The following PCA3 variants were observed in gnomAD, a reference collection of about 807,000 sequenced individuals.
The protein encoded by PCA3 is prostate cancer associated 3.
Position 76,779,100 on chromosome 9 carries a change from G to A in PCA3, n.853-29483G>A, listed in dbSNP as rs147330603. Among the ~76,000 whole-genome samples, 44 of 152,250 alleles carry A rather than the reference G, an allele frequency of 2.9e-4. No individual in the cohort carries two copies. In the East Asian group the frequency reaches 7.7e-3, roughly 27 times the overall value. ...TGTGATTAAATAAAGAACTTGAGAA[G>A]AACAGGTTTCATTAAACATAAAATC... On this transcript the variant is annotated intron_variant and non_coding_transcript_variant, in intron 2 of 5. Coordinates refer to ENST00000644657, the Ensembl canonical transcript of PCA3.
chr9:76,777,330 A>C (rs1299610902), intron 2 of PCA3, among the ~76,000 whole-genome samples: 1 of 152,166 alleles, frequency 6.6e-6, no homozygotes, highest in Non-Finnish European at 1.5e-5. Flanking sequence ...CTGAGAAAGA[A>C]TATAATAAGC....
rs369109950 is a variant in PCA3, at chr9:76,783,384, G to GC, written n.853-25197dup. The stretch of plus-strand genomic sequence containing the variant: ...ACTCCTGACCTCAGGTGACCCACCT[G>GC]CCTCAGCCTCCCAAAGTGCTGGGAT... On this transcript the variant is annotated intron_variant and non_coding_transcript_variant, in intron 2 of 5. Coordinates refer to ENST00000644657, the Ensembl canonical transcript of PCA3. Among the ~76,000 whole-genome samples, 758 of 152,226 alleles carry GC rather than the reference G, an allele frequency of 5.0e-3. 4 individuals are homozygous for GC. Among genetic ancestry groups the GC allele is most frequent in the African/African-American group, 0.017 (721 of 41,544 alleles).
At chr9:76,774,819 G>C (rs1470276933) in intron 2 of PCA3, among the ~76,000 whole-genome samples, 1 of 152,078 alleles carries the variant, frequency 6.6e-6, no homozygotes, top group Non-Finnish European at 1.5e-5. Flanking sequence ...AGGAAACAGG[G>C]GAGCTTTAGC....
chr9:76,774,465 T>TATTTATTTATTTATTTATTTATTTATTTA lies in PCA3; in HGVS notation n.853-34118_853-34117insATTTATTTATTTATTTATTTATTTATTTA, dbSNP rs761395945. Among the ~76,000 whole-genome samples, 1,240 of 136,884 alleles carry TATTTATTTATTTATTTATTTATTTATTTA rather than the reference T, an allele frequency of 9.1e-3. 44 individuals carry two copies. The highest frequency in any genetic ancestry group is 0.031 in the African/African-American group (1,109 of 35,742). The allele number at this position is 136,884 out of a possible 152,430, so 89.8% of individuals were successfully genotyped here. ...CAGTTCAACCCTTTTTTTTTTTTTTTTTTTTTTTTTTTGAGATGGAGTCTC... is the reference window on the plus strand; with the variant it reads ...CAGTTCAACCCTTTTTTTTTTTTTTTATTTATTTATTTATTTATTTATTTATTTATTTTTTTTTTTTGAGATGGAGTCTC... On this transcript the variant is annotated intron_variant and non_coding_transcript_variant, in intron 2 of 5. Coordinates refer to ENST00000644657, the Ensembl canonical transcript of PCA3.
intron 2 of PCA3, among the ~76,000 whole-genome samples, chr9:76,782,226 A>G (rs921946398): frequency 6.6e-6 from 1 of 151,894 alleles, no homozygotes; most frequent in Non-Finnish European, 1.5e-5. Flanking sequence ...AAAAAGAAAA[A>G]AAAGAAAGCA....
intron 2 of PCA3, among the ~76,000 whole-genome samples, chr9:76,779,232 C>CTTT (rs5898506): frequency 0.015 from 2,215 of 144,890 alleles, 54 homozygotes; most frequent in African/African-American, 0.051. Context: ...AAAACTTAGA[C>CTTT]TTTTTTTTTT....
intron 2 of PCA3, among the ~76,000 whole-genome samples, chr9:76,770,360 G>A (rs967148731): frequency 6.6e-6 from 1 of 151,956 alleles, no homozygotes; most frequent in Non-Finnish European, 1.5e-5. Flanking sequence ...AAAATATCAA[G>A]GATTTTTTTA....
At chr9:76,767,351 C>T (rs913402426) in intron 2 of PCA3, among the ~76,000 whole-genome samples, 12 of 151,538 alleles carry the variant, frequency 7.9e-5, no homozygotes, top group African/African-American at 2.2e-4. Flanking sequence ...CTCGAGAGGC[C>T]GAGGCAGGAG....
chr9:76,766,026 C>CA (rs1015290406), intron 2 of PCA3, among the ~76,000 whole-genome samples: 16 of 151,292 alleles, frequency 1.1e-4, no homozygotes, highest in African/African-American at 2.4e-4. Context: ...ACTAAAAATA[C>CA]AAAAAAAATA....
chr9:76,778,067 C>T (rs141769356), intron 2 of PCA3, among the ~76,000 whole-genome samples: 112 of 152,304 alleles, frequency 7.4e-4, no homozygotes, highest in African/African-American at 2.3e-3. Context: ...ACCTTGGCTG[C>T]ACATTAGATT....
intron 2 of PCA3, among the ~76,000 whole-genome samples, chr9:76,775,140 C>G (rs746857732): frequency 1.3e-5 from 2 of 152,016 alleles, no homozygotes; most frequent in African/African-American, 4.8e-5. Context: ...TTTATTTGGT[C>G]GGGGGGAAAG....
intron 2 of PCA3, among the ~76,000 whole-genome samples, chr9:76,774,462 T>TTC (rs764639915): frequency 9.6e-6 from 1 of 104,252 alleles, no homozygotes; most frequent in Non-Finnish European, 2.2e-5. Flanking sequence ...TTTTTTTTTT[T>TTC]TTTTTTTTTT....
At chr9:76,775,851 T>C (rs750580997) in intron 2 of PCA3, among the ~76,000 whole-genome samples, 4 of 152,194 alleles carry the variant, frequency 2.6e-5, no homozygotes, top group Non-Finnish European at 5.9e-5. Flanking sequence ...TTCTCTAGCC[T>C]TTAGCTCGGA....
At chr9:76,776,932 A>G (rs2053857224) in intron 2 of PCA3, among the ~76,000 whole-genome samples, 1 of 148,044 alleles carries the variant, frequency 6.8e-6, no homozygotes, top group African/African-American at 2.6e-5. Flanking sequence ...ACACACACAC[A>G]CACACACACA....
At chr9:76,781,943 G>C (rs117788524) in intron 2 of PCA3, among the ~76,000 whole-genome samples, 1 of 152,140 alleles carries the variant, frequency 6.6e-6, no homozygotes. Context: ...GGCCGGGCGC[G>C]GTGGCTCACG....
At chr9:76,781,912 T>C (rs768589519) in intron 2 of PCA3, among the ~76,000 whole-genome samples, 7 of 152,060 alleles carry the variant, frequency 4.6e-5, no homozygotes, top group Non-Finnish European at 8.8e-5. Flanking sequence ...ATCAGAGACA[T>C]AGAAAGCATT....
At chr9:76,774,849 A>T (rs1450822843) in intron 2 of PCA3, among the ~76,000 whole-genome samples, 3 of 152,196 alleles carry the variant, frequency 2.0e-5, no homozygotes, top group African/African-American at 7.2e-5. Flanking sequence ...TAGTGAAAAG[A>T]TTGTAGATTT....
At chr9:76,783,565 A>C (rs2054653450) in intron 2 of PCA3, 1 of 152,206 alleles carries the variant, frequency 6.6e-6, no homozygotes, top group African/African-American at 2.4e-5. Context: ...TAAGTATTAA[A>C]ATTCTGTGCC....
chr9:76,769,243 C>A (rs1030583147), intron 2 of PCA3, among the ~76,000 whole-genome samples: 1 of 152,206 alleles, frequency 6.6e-6, no homozygotes, highest in Non-Finnish European at 1.5e-5. Context: ...AAATTATACA[C>A]ACTATTCTGC....
Sources: allele counts gnomAD v4.1 joint callset (sites outside exome capture counted in the v4.1 genomes callset), GRCh38; gene constraint gnomAD v4.1.1; transcripts MANE v1.5; gene names NCBI Gene and HGNC (gene_info 2026-07-23, HGNC 2026-07-21).